Variants in FHL5 observed in about 807,000 individuals in gnomAD.
The protein encoded by FHL5 is four and a half LIM domains 5, also known as four and a half LIM domains protein 5.
In FHL5, 33 loss-of-function variants were observed where a neutral mutation model predicts 32.0. The ratio of observed to expected loss-of-function variants is 1.03; its 90% CI spans 0.78 to 1.38. FHL5 has a LOEUF of 1.38. Among genes scored for constraint, FHL5 ranks in the 40% most tolerant of loss-of-function variants. The pLI is 0.00. For synonymous variants in FHL5, 114 were observed against 113.6 expected (o/e 1.00, Z -0.02); for missense variants, 336 against 343.9 (o/e 0.98, Z 0.18).
chr6:96,604,915 A>G lies in FHL5; in HGVS notation c.325A>G (p.Ile109Val). ...CAAGTGCTTCCACTGCAAGAGGACC[A>G]TCATGCCTGGTAGGGTCTCAAGGGG... ...SSKCFHCKRT[I>V]MPGSRKMEFK... The change falls in exon 3 of 6, where the codon ATC (isoleucine) becomes GTC (valine). Residue 109 changes from isoleucine to valine, a missense_variant. Transcript: ENST00000450218. 6.2e-7 allele frequency: 1 copy of G among 1,606,350 alleles called. No homozygotes were observed. Among genetic ancestry groups the G allele is most frequent in the Non-Finnish European group, 8.5e-7 (1 of 1,175,648 alleles).
At chr6:96,579,117 A>T (rs1056924584) in intron 1 of FHL5, among the ~76,000 whole-genome samples, 1 of 152,140 alleles carries the variant, frequency 6.6e-6, no homozygotes, top group Admixed American at 6.6e-5. Context: ...TCTTATGAAG[A>T]TTTTAATTAA....
chr6:96,602,426 C>CTTCTTTTTTTTTTTTTTTT (rs1771169396), intron 1 of FHL5, among the ~76,000 whole-genome samples: 1 of 33,684 alleles, frequency 3.0e-5, no homozygotes, highest in Non-Finnish European at 6.5e-5. Flanking sequence ...TGCGTTGTTT[C>CTTCTTTTTTTTTTTTTTTT]TTTTTTTTTT....
At chr6:96,599,755 T>C (rs1343726194) in intron 1 of FHL5, among the ~76,000 whole-genome samples, 1 of 152,232 alleles carries the variant, frequency 6.6e-6, no homozygotes, top group Non-Finnish European at 1.5e-5. Context: ...CTAAGTGATA[T>C]ATTGCAAGTG....
chr6:96,602,012 C>G (rs779690129), intron 1 of FHL5, among the ~76,000 whole-genome samples: 15 of 152,158 alleles, frequency 9.9e-5, no homozygotes, highest in Non-Finnish European at 2.9e-5. Flanking sequence ...TGGGAAAAGA[C>G]CCACATATTC....
chr6:96,609,564 G>A (rs770641025), intron 4 of FHL5, among the ~76,000 whole-genome samples: 3 of 152,138 alleles, frequency 2.0e-5, no homozygotes, highest in South Asian at 2.1e-4. Flanking sequence ...TACATCTCAG[G>A]CAAAACACTG....
Position 96,605,907 on chromosome 6 carries a change from C to A in FHL5, c.340C>A (p.Arg114Ser). Residue 114 changes from arginine to serine, a missense_variant, in exon 4 of 6, where the codon CGC becomes AGC. Transcript: ENST00000450218. ...HCKRTIMPGS[R>S]KMEFKGNYWH... is the part of the protein sequence containing the mutation. ...GCCTTACTTTTGGAGTACAGGTTCC[C>A]GCAAAATGGAATTTAAGGGAAACTA... is the stretch of plus-strand genomic sequence containing the variant. 6.2e-7 allele frequency: 1 copy of A among 1,613,670 alleles called. No individual in the cohort carries two copies. The highest frequency in any genetic ancestry group is 8.5e-7 in the Non-Finnish European group (1 of 1,179,776).
At chr6:96,569,906 T>C (rs1236645786) in intron 1 of FHL5, among the ~76,000 whole-genome samples, 1 of 151,804 alleles carries the variant, frequency 6.6e-6, no homozygotes, top group Non-Finnish European at 1.5e-5. Context: ...AGGTTATTAT[T>C]GATAAGTGAG....
rs1305860760 is a variant in FHL5 at position 96,603,578 on chromosome 6, C to G, written c.-12-24C>G. On this transcript the variant is annotated intron_variant, in intron 1 of 5. Coordinates refer to ENST00000450218, the MANE Select transcript of FHL5 (RefSeq NM_001322466.2). ...ATAAACAAAATTCTGCTTTTATATA[C>G]ATTAATCACTTTGTCATTCATAGGA... 19 of 1,574,396 alleles carry G rather than the reference C, an allele frequency of 1.2e-5. 1 individual carries two copies. The highest frequency in any genetic ancestry group is 1.6e-5 in the Non-Finnish European group (19 of 1,152,190).
intron 1 of FHL5, among the ~76,000 whole-genome samples, chr6:96,578,601 G>A (rs1430560383): frequency 1.3e-5 from 2 of 152,152 alleles, no homozygotes; most frequent in African/African-American, 4.8e-5. Flanking sequence ...CAGCACTTTG[G>A]GAGGTCGAGG....
chr6:96,592,552 C>CGAGATGACA (rs1451692423), intron 1 of FHL5, among the ~76,000 whole-genome samples: 1 of 152,002 alleles, frequency 6.6e-6, no homozygotes. Context: ...CCTCAGCTTA[C>CGAGATGACA]GAGATGACAG....
chr6:96,572,995 T>G (rs1381898996), intron 1 of FHL5, among the ~76,000 whole-genome samples: 1 of 152,186 alleles, frequency 6.6e-6, no homozygotes, highest in Non-Finnish European at 1.5e-5. Context: ...TTGGCTATCT[T>G]GCTGCTATCT....
intron 3 of FHL5, among the ~76,000 whole-genome samples, chr6:96,605,639 A>T (rs911621970): frequency 6.6e-6 from 1 of 152,182 alleles, no homozygotes; most frequent in Non-Finnish European, 1.5e-5. Flanking sequence ...GTACTTTTAC[A>T]TCTCCAGATT....
At chr6:96,611,952 T>A (rs1229233866) in intron 5 of FHL5, among the ~76,000 whole-genome samples, 1 of 152,196 alleles carries the variant, frequency 6.6e-6, no homozygotes, top group Non-Finnish European at 1.5e-5. Flanking sequence ...AAAATCCATC[T>A]CTGCAGCTAA....
At chr6:96,587,701 T>G (rs1017972646) in intron 1 of FHL5, among the ~76,000 whole-genome samples, 1 of 152,208 alleles carries the variant, frequency 6.6e-6, no homozygotes, top group African/African-American at 2.4e-5. Context: ...CTATGAAAAT[T>G]AGATAATCTT....
intron 1 of FHL5, among the ~76,000 whole-genome samples, chr6:96,583,350 C>T (rs1770731974): frequency 6.6e-6 from 1 of 152,122 alleles, no homozygotes; most frequent in Admixed American, 6.6e-5. Context: ...GCCTAGTTTA[C>T]AGACTAATAA....
chr6:96,578,126 G>A (rs962113368), intron 1 of FHL5, among the ~76,000 whole-genome samples: 1 of 152,070 alleles, frequency 6.6e-6, no homozygotes, highest in Non-Finnish European at 1.5e-5. Flanking sequence ...AGCATTAAGA[G>A]GCTTTATCTC....
chr6:96,564,425 T>C (rs1286454127), intron 1 of FHL5, among the ~76,000 whole-genome samples: 1 of 152,192 alleles, frequency 6.6e-6, no homozygotes, highest in Admixed American at 6.5e-5. Context: ...CTTGTTCTAT[T>C]TATTCTCACA....
chr6:96,607,051 G>GA (rs1011580692), intron 4 of FHL5, among the ~76,000 whole-genome samples: 8 of 150,872 alleles, frequency 5.3e-5, no homozygotes, highest in Admixed American at 2.6e-4. Context: ...TTTTCTAAGA[G>GA]AAAAAAAAAG....
intron 5 of FHL5, among the ~76,000 whole-genome samples, chr6:96,614,989 C>A (rs1029333868): frequency 6.6e-6 from 1 of 151,260 alleles, no homozygotes; most frequent in East Asian, 2.0e-4. Flanking sequence ...AAGGCCATCA[C>A]GTTAGGATGG....
Sources: allele counts gnomAD v4.1 joint callset (sites outside exome capture counted in the v4.1 genomes callset), GRCh38; gene constraint gnomAD v4.1.1; transcripts MANE v1.5; gene names NCBI Gene and HGNC (gene_info 2026-07-23, HGNC 2026-07-21).